The following DDX4 variants were observed in gnomAD, a reference collection of about 807,000 sequenced individuals.
DDX4 encodes the protein DEAD-box helicase 4.
DDX4 carries 25 observed loss-of-function variants against 100.0 expected under a neutral mutation model. That is an observed-to-expected ratio of 0.25 (90% CI 0.18 to 0.35). The LOEUF is 0.35. DDX4 is among the 10% of genes least tolerant of loss of function. DDX4 has a pLI of 1.00. For synonymous variants in DDX4, 259 were observed against 275.7 expected (o/e 0.94, Z 0.60); for missense variants, 635 against 882.4 (o/e 0.72, Z 3.55).
At chr5:55,759,561 A>G (rs1488322607) in intron 3 of DDX4, among the ~76,000 whole-genome samples, 9 of 152,178 alleles carry the variant, frequency 5.9e-5, no homozygotes, top group Non-Finnish European at 8.8e-5. Context: ...ATTGTTGAAG[A>G]ATGTGAGCTC....
chr5:55,750,048 C>T (rs1018007803), intron 3 of DDX4, among the ~76,000 whole-genome samples: 2 of 151,348 alleles, frequency 1.3e-5, no homozygotes, highest in Admixed American at 6.6e-5. Context: ...AATCTGTACT[C>T]AAACTACACA....
chr5:55,795,548 G>A (rs1224758289), intron 17 of DDX4, among the ~76,000 whole-genome samples: 2 of 152,198 alleles, frequency 1.3e-5, no homozygotes, highest in East Asian at 1.9e-4. Context: ...AGAGGGAGAA[G>A]CATTTGAGCC....
chr5:55,806,544 C>A (rs1296505760), intron 18 of DDX4, among the ~76,000 whole-genome samples: 1 of 152,184 alleles, frequency 6.6e-6, no homozygotes, highest in East Asian at 1.9e-4. Context: ...TCATTGGTTT[C>A]AAAGAACATC....
rs541264063 is a variant in DDX4, at chr5:55,798,165, G to A, written c.1470-261G>A. Among the ~76,000 whole-genome samples the A allele has an allele frequency of 1.1e-4, 16 of 151,994 alleles. No homozygotes were observed. The South Asian group carries it at 1.7e-3, about 16-fold the overall frequency. ...ATACACATATTTTATATAGTTTTGCGTGGATAGCAAATCCACTTGTAATTA... is the reference window on the plus strand; with the variant it reads ...ATACACATATTTTATATAGTTTTGCATGGATAGCAAATCCACTTGTAATTA... On this transcript the variant is annotated intron_variant, in intron 17 of 21. Transcript: ENST00000505374.
chr5:55,814,773 A>C (rs1410440712), intron 19 of DDX4, 128 bp from the exon 20 acceptor site: 3 of 995,504 alleles, frequency 3.0e-6, no homozygotes, highest in African/African-American at 3.3e-5. Flanking sequence ...TACAGGTGTG[A>C]GCCACTGCGC....
rs370615453 is a variant in DDX4 at position 55,779,902 on chromosome 5, A to G, written c.395-62A>G. 74 of 1,558,048 alleles carry G rather than the reference A, an allele frequency of 4.7e-5. No individual in the cohort carries two copies. The African/African-American group carries it at 6.4e-4, about 13-fold the overall frequency. On this transcript the variant is annotated intron_variant, in intron 7 of 21. Transcript: ENST00000505374. The stretch of plus-strand genomic sequence containing the variant: ...TTCAAGGCTTAAATTAAATTTGACC[A>G]TGTCCCCAAGATTTCTTTGTTGTTG...
intron 7 of DDX4, among the ~76,000 whole-genome samples, chr5:55,772,233 T>C (rs1047871767): frequency 6.6e-6 from 1 of 152,174 alleles, no homozygotes; most frequent in Admixed American, 6.6e-5. Flanking sequence ...GTAATTGTCA[T>C]TAATCTGGAG....
chr5:55,739,635 T>G (rs1325301011), intron 2 of DDX4, among the ~76,000 whole-genome samples: 1 of 152,208 alleles, frequency 6.6e-6, no homozygotes, highest in African/African-American at 2.4e-5. Flanking sequence ...ATGTGTTACT[T>G]ACTATATGGT....
intron 7 of DDX4, among the ~76,000 whole-genome samples, chr5:55,778,314 T>A (rs1741697343): frequency 6.6e-6 from 1 of 152,126 alleles, no homozygotes; most frequent in Admixed American, 6.6e-5. Context: ...TAGAGGAAAT[T>A]TTATAGCCTT....
intron 18 of DDX4, among the ~76,000 whole-genome samples, chr5:55,800,650 G>A (rs1052307455): frequency 2.6e-5 from 4 of 152,038 alleles, no homozygotes; most frequent in Non-Finnish European, 5.9e-5. Flanking sequence ...ATGAGCTTGT[G>A]GGATAAAGTT....
chr5:55,772,103 C>G (rs540320669), intron 7 of DDX4, among the ~76,000 whole-genome samples: 1 of 151,986 alleles, frequency 6.6e-6, no homozygotes, highest in Non-Finnish European at 1.5e-5. Flanking sequence ...CCCACCTACT[C>G]GGCAGGCTGA....
intron 7 of DDX4, among the ~76,000 whole-genome samples, chr5:55,772,392 G>T (rs769451947): frequency 2.6e-5 from 4 of 152,052 alleles, no homozygotes; most frequent in Non-Finnish European, 5.9e-5. Flanking sequence ...TTATATATGT[G>T]TATCTGTTTC....
intron 15 of DDX4, among the ~76,000 whole-genome samples, chr5:55,790,110 TA>T (rs59569512): frequency 0.069 from 9,661 of 139,424 alleles, 532 homozygotes; most frequent in African/African-American, 0.15. Context: ...GTATTGTAAT[TA>T]AAAAAAAAAA....
intron 3 of DDX4, among the ~76,000 whole-genome samples, chr5:55,756,311 A>G (rs1759931961): frequency 1.3e-5 from 2 of 152,150 alleles, no homozygotes; most frequent in Non-Finnish European, 2.9e-5. Flanking sequence ...GTGTGTTTTA[A>G]TGAGATCACC....
At chr5:55,791,386 T>C (rs1475396054) in intron 16 of DDX4, among the ~76,000 whole-genome samples, 1 of 152,182 alleles carries the variant, frequency 6.6e-6, no homozygotes, top group East Asian at 1.9e-4. Context: ...CCTTTCTTAG[T>C]ATACTTATTA....
At chr5:55,772,596 A>ATGGGAGG (rs1417862135) in intron 7 of DDX4, among the ~76,000 whole-genome samples, 14 of 152,178 alleles carry the variant, frequency 9.2e-5, no homozygotes, top group Middle Eastern at 3.4e-3. Flanking sequence ...GTAGGGTCTA[A>ATGGGAGG]TGGGAGGTAT....
chr5:55,775,323 A>G (rs904398672), intron 7 of DDX4, among the ~76,000 whole-genome samples: 9 of 152,166 alleles, frequency 5.9e-5, no homozygotes, highest in Admixed American at 1.3e-4. Flanking sequence ...ACCTACAGTT[A>G]TCTGTTTGAG....
At chr5:55,750,170 T>A (rs1296411402) in intron 3 of DDX4, 1 of 156,484 alleles carries the variant, frequency 6.4e-6, no homozygotes, top group Non-Finnish European at 1.5e-5. Flanking sequence ...GAACAATCTT[T>A]ACAGTGTCAG....
At chr5:55,767,046 A>C in intron 6 of DDX4, 3 of 1,467,102 alleles carry the variant, frequency 2.0e-6, no homozygotes, top group Non-Finnish European at 2.7e-6. Flanking sequence ...TACTAATATC[A>C]AAAATGGAGA....
Sources: gnomAD v4.1 joint callset for allele counts (sites outside exome capture counted in the v4.1 genomes callset) on GRCh38, gnomAD v4.1.1 for gene constraint, MANE v1.5 for transcripts, NCBI Gene and HGNC (gene_info 2026-07-23, HGNC 2026-07-21) for gene names.